The following P4HTM variants were observed in gnomAD, a reference collection of about 807,000 sequenced individuals.
The protein encoded by P4HTM is transmembrane prolyl 4-hydroxylase.
P4HTM carries 33 observed loss-of-function variants against 55.3 expected under a neutral mutation model. The ratio of observed to expected loss-of-function variants is 0.60; its 90% CI spans 0.45 to 0.80. The LOEUF (loss-of-function observed/expected upper bound fraction) is 0.80, where lower values mean the gene tolerates loss of function less well. Ranked by LOEUF, P4HTM falls within the 30% of genes least tolerant of loss-of-function variation. The pLI, the probability that P4HTM is intolerant of heterozygous loss-of-function variation, is 0.00. For synonymous variants in P4HTM, 272 were observed against 286.4 expected (o/e 0.95, Z 0.51); for missense variants, 542 against 696.5 (o/e 0.78, Z 2.50).
chr3:49,005,252 G>A (rs1279280244), intron 6 of P4HTM: 63 of 1,503,054 alleles, frequency 4.2e-5, no homozygotes, highest in Non-Finnish European at 5.5e-5. Context: ...GTGACCACTG[G>A]AGTCAACACA....
intron 6 of P4HTM, chr3:49,005,346 ATTCC>A: frequency 2.1e-6 from 3 of 1,422,014 alleles, no homozygotes; most frequent in Non-Finnish European, 2.7e-6. Context: ...TGTCCTGCCC[ATTCC>A]TCCAGGTGTT....
intron 6 of P4HTM, chr3:49,005,340 C>G: frequency 7.0e-7 from 1 of 1,425,886 alleles, no homozygotes; most frequent in Non-Finnish European, 9.1e-7. Context: ...CTAGCTTGTC[C>G]TGCCCATTCC....
rs780317400 is a variant in P4HTM, at chr3:49,002,466, G to A, written c.628-34G>A. On this transcript the variant is annotated intron_variant, in intron 3 of 8. Coordinates refer to ENST00000383729, the MANE Select transcript of P4HTM (RefSeq NM_177939.3). This position sits in a 1 kb window ranked among gnomAD's most constrained non-coding sequence, Gnocchi z 4.4. ...GTTCTCTGCTGGCTCTCCATCACTG[G>A]GGTCACCCACTGAGGGACCCTCTTA... 6.8e-6 allele frequency: 10 copies of A among 1,476,790 alleles called. No homozygotes were observed. The Admixed American group carries it at 1.7e-4, about 25-fold the overall frequency. 91.5% of individuals were successfully genotyped at this position (1,476,790 alleles called of 1,614,324 possible). A position where few individuals can be genotyped will look rare whatever the true frequency, so the allele number is the denominator to read the frequency against.
Position 49,005,855 on chromosome 3 carries a change from C to G in P4HTM, c.1152C>G (p.Thr384=). 6.5e-7 allele frequency: 1 copy of G among 1,549,710 alleles called. No individual in the cohort carries two copies. Among genetic ancestry groups the G allele is most frequent in the Non-Finnish European group, 8.7e-7 (1 of 1,149,106 alleles). ...TTTTCCCTGTAGCAGATAACAGAAC[C>G]TACGATGAAATGGTAAGGGTCAACT... ...ETVFPVADNR[T]YDEMSLIQDD... Residue 384 remains threonine, a synonymous_variant, in exon 7 of 9, where the codon ACC becomes ACG. Coordinates refer to ENST00000383729, the MANE Select transcript of P4HTM (RefSeq NM_177939.3).
chr3:48,990,458 G>C lies in P4HTM; in HGVS notation c.202G>C (p.Val68Leu), dbSNP rs1053437088. 8.1e-6 allele frequency: 13 copies of C among 1,610,632 alleles called. No homozygotes were observed. The highest frequency in any genetic ancestry group is 1.1e-5 in the South Asian group (1 of 90,970). Residue 68 changes from valine (V) to leucine (L), a missense_variant, in exon 1 of 9, where the codon GTG becomes CTG. Physicochemically the swap from Val to Leu is conservative, Grantham distance 32. Transcript: ENST00000383729. The surrounding 1 kb of genome is among the most constrained non-coding windows in gnomAD (Gnocchi z 7.2). ...RAYFLVLMVF[V>L]HLYLGNVLAL... is the part of the protein sequence containing the mutation. Reference sequence around the variant, plus strand: ...CTACTTCCTGGTGCTGATGGTGTTCGTGCACCTGTACCTGGGTAACGTGCT... The same window carrying C: ...CTACTTCCTGGTGCTGATGGTGTTCCTGCACCTGTACCTGGGTAACGTGCT...
intron 4 of P4HTM, 49 bp from the exon 5 acceptor site, chr3:49,004,049 G>T (rs1201651801): frequency 1.3e-6 from 2 of 1,521,384 alleles, no homozygotes; most frequent in African/African-American, 1.4e-5. Context: ...TGCCACTGTT[G>T]CCTCCCAATA....
intron 4 of P4HTM, chr3:49,003,075 C>G: frequency 1.3e-5 from 4 of 303,262 alleles, no homozygotes; most frequent in Non-Finnish European, 2.6e-5. Context: ...GCCGAAGCGC[C>G]TAAAATGGTA....
chr3:49,002,474 C>G lies in P4HTM; in HGVS notation c.628-26C>G. The stretch of plus-strand genomic sequence containing the variant: ...CTGGCTCTCCATCACTGGGGTCACC[C>G]ACTGAGGGACCCTCTTATGCTTTAG... On this transcript the variant is annotated intron_variant, in intron 3 of 8. Coordinates refer to ENST00000383729, the MANE Select transcript of P4HTM (RefSeq NM_177939.3). This position sits in a 1 kb window ranked among gnomAD's most constrained non-coding sequence, Gnocchi z 4.4. 6.4e-7 allele frequency: 1 copy of G among 1,550,502 alleles called. No individual in the cohort carries two copies. The highest frequency in any genetic ancestry group is 1.7e-4 in the Middle Eastern group (1 of 5,942).
rs1457259411 is a variant in P4HTM at position 48,999,966 on chromosome 3, G to A, written c.437-1472G>A. 6.6e-6 allele frequency among the ~76,000 whole-genome samples: 1 copy of A among 152,234 alleles called. No homozygotes were observed. The highest frequency in any genetic ancestry group is 1.5e-5 in the Non-Finnish European group (1 of 68,046). ...GGGGTCACGGGATCATGCAGGCCAA[G>A]AGTGGGGGCCTTTGTCCTATCCTCA... On this transcript the variant is annotated intron_variant, in intron 2 of 8. Transcript: ENST00000383729. This position sits in a 1 kb window ranked among gnomAD's most constrained non-coding sequence, Gnocchi z 4.8.
At chr3:48,990,101 G>A, upstream of P4HTM, 1 of 622,014 alleles carries the variant, frequency 1.6e-6, no homozygotes, top group Non-Finnish European at 2.1e-6. This position sits in a 1 kb window ranked among gnomAD's most constrained non-coding sequence, Gnocchi z 7.2. Flanking sequence ...GCCGAGCCCG[G>A]CGCGGACGCA....
chr3:49,004,494 T>C (rs1414924558), intron 5 of P4HTM: 1 of 564,124 alleles, frequency 1.8e-6, no homozygotes, highest in Non-Finnish European at 3.1e-6. Context: ...TGAGCACTTC[T>C]TTCTGATTAG....
chr3:49,000,530 C>T (rs1449693331), intron 2 of P4HTM, among the ~76,000 whole-genome samples: 1 of 152,242 alleles, frequency 6.6e-6, no homozygotes, highest in Non-Finnish European at 1.5e-5. Context: ...TGCCCTTCCT[C>T]CAGTCAGCTC....
intron 2 of P4HTM, among the ~76,000 whole-genome samples, chr3:48,998,530 A>G (rs1363234294): frequency 6.6e-6 from 1 of 152,096 alleles, no homozygotes. Flanking sequence ...CCCACATCTC[A>G]GCCCTCAGCT....
At position 49,002,629 on chromosome 3, in the gene P4HTM, G is replaced by A. The variant is rs376727088; in HGVS notation, c.724+33G>A. The A allele has an allele frequency of 4.8e-5, 73 of 1,521,620 alleles. No individual in the cohort carries two copies. Among genetic ancestry groups the A allele is most frequent in the Non-Finnish European group, 5.9e-5 (65 of 1,095,776 alleles). The allele number at this position is 1,521,620 out of a possible 1,614,324, so 94.3% of individuals were successfully genotyped here. The stretch of plus-strand genomic sequence containing the variant: ...CACACCTCTGCACAGTCCTATCCCC[G>A]TGAGCCTCCTGCCCACTCCCAGGTG... On this transcript the variant is annotated intron_variant, in intron 4 of 8. Coordinates refer to ENST00000383729, the MANE Select transcript of P4HTM (RefSeq NM_177939.3). This position sits in a 1 kb window ranked among gnomAD's most constrained non-coding sequence, Gnocchi z 4.4.
chr3:49,005,925 T>C (rs1239649401), intron 7 of P4HTM, 58 bp downstream of exon 7: 1 of 1,533,014 alleles, frequency 6.5e-7, no homozygotes, highest in Non-Finnish European at 8.8e-7. Flanking sequence ...ACAAGTGAAG[T>C]ACACACCTCT....
Position 49,002,386 on chromosome 3 carries a change from C to A in P4HTM, c.628-114C>A. 5 of 787,102 alleles carry A rather than the reference C, an allele frequency of 6.4e-6. No individual in the cohort carries two copies. In the South Asian group the frequency reaches 7.7e-5, roughly 12 times the overall value. The allele number at this position is 787,102 out of a possible 1,614,324, so 48.8% of individuals were successfully genotyped here. ...TGGCCCAATGGGCTCTGCCCTGTGT[C>A]CTCATCCATGCCCTCACCTGAACAC... On this transcript the variant is annotated intron_variant, in intron 3 of 8. Coordinates refer to ENST00000383729, the MANE Select transcript of P4HTM (RefSeq NM_177939.3). This position sits in a 1 kb window ranked among gnomAD's most constrained non-coding sequence, Gnocchi z 4.4.
rs374612085 is a variant in P4HTM, at chr3:48,998,631, A to G, written c.437-2807A>G. Among the ~76,000 whole-genome samples, 452 of 152,294 alleles carry G rather than the reference A, an allele frequency of 3.0e-3. 3 individuals carry two copies. Among genetic ancestry groups the G allele is most frequent in the African/African-American group, 9.9e-3 (412 of 41,572 alleles). On this transcript the variant is annotated intron_variant, in intron 2 of 8. Transcript: ENST00000383729. ...GGCTCTGTGGACATCCATTGTCTGC[A>G]AGAGGTGGCCTGCACCTTGGGCCTT...
intron 8 of P4HTM, 64 bp downstream of exon 8, chr3:49,006,251 C>T (rs1023266903): frequency 1.5e-5 from 24 of 1,549,360 alleles, no homozygotes; most frequent in South Asian, 4.5e-5. Flanking sequence ...ACCCAGCCCC[C>T]GTCTGCCACA....
chr3:49,005,615 G>C, intron 6 of P4HTM, 162 bp from the exon 7 acceptor site: 1 of 1,418,574 alleles, frequency 7.0e-7, no homozygotes, highest in Non-Finnish European at 9.2e-7. Context: ...TTCGGGGAAG[G>C]AGGGGCTAGG....
Sources: gnomAD v4.1 joint callset for allele counts (sites outside exome capture counted in the v4.1 genomes callset) on GRCh38, gnomAD v4.1.1 for gene constraint, Gnocchi (gnomAD v3.1) non-coding constraint, MANE v1.5 for transcripts, NCBI Gene and HGNC (gene_info 2026-07-23, HGNC 2026-07-21) for gene names.